Variants in RALGDS observed in about 807,000 individuals in gnomAD.
RALGDS encodes ral guanine nucleotide exchange factor.
Under a neutral mutation model 99.8 loss-of-function variants are expected in RALGDS, and 44 were observed. The ratio of observed to expected loss-of-function variants is 0.44; its 90% CI spans 0.35 to 0.57. The LOEUF (loss-of-function observed/expected upper bound fraction) is 0.57, where lower values mean the gene tolerates loss of function less well. Among genes scored for constraint, RALGDS ranks in the 20% least tolerant of loss-of-function variants. RALGDS has a pLI of 0.01. For missense variants in RALGDS, 1,022 were observed against 1,203.1 expected, an observed-to-expected ratio of 0.85 and a Z score of 2.23; for synonymous variants, 529 against 505.0, an observed-to-expected ratio of 1.05 and a Z score of -0.64.
chr9:133,118,108 C>A (rs1831704279), intron 1 of RALGDS, among the ~76,000 whole-genome samples: 1 of 152,202 alleles, frequency 6.6e-6, no homozygotes. Flanking sequence ...CTGGGGGACC[C>A]TCCCGAGTAG....
chr9:133,129,412 A>C, intron 1 of RALGDS: 1 of 1,428,988 alleles, frequency 7.0e-7, no homozygotes, highest in Non-Finnish European at 9.1e-7. Flanking sequence ...GGAGCACCCG[A>C]GTGCCTGGGC....
rs375862909 is a variant in RALGDS at position 133,120,956 on chromosome 9, G to A, written c.183+16C>T. ...GCTCCGACGCACCCCCCGCCCGACC[G>A]CCCCAGCTCACCCACCTCCGGGCGC... On this transcript the variant is annotated intron_variant, in intron 1 of 17. Transcript: ENST00000372050. The A allele has an allele frequency of 2.8e-5, 41 of 1,476,024 alleles. No individual in the cohort carries two copies. In the East Asian group the frequency reaches 4.7e-4, roughly 17 times the overall value. 91.4% of individuals were successfully genotyped at this position (1,476,024 alleles called of 1,614,324 possible).
At chr9:133,101,026 C>A (rs1331428101) in intron 16 of RALGDS, 4 of 1,064,614 alleles carry the variant, frequency 3.8e-6, no homozygotes, top group Non-Finnish European at 4.6e-6. Context: ...CCCAGGCAAA[C>A]CCATTCTGTG....
intron 8 of RALGDS, 90 bp downstream of exon 8, chr9:133,106,555 T>G: frequency 1.0e-6 from 1 of 1,001,982 alleles, no homozygotes. Context: ...CCCTCAGGGT[T>G]TGTGGCCTCC....
intron 1 of RALGDS, among the ~76,000 whole-genome samples, chr9:133,115,679 C>G (rs1831567073): frequency 6.6e-6 from 1 of 152,196 alleles, no homozygotes; most frequent in Non-Finnish European, 1.5e-5. Flanking sequence ...GTGACCGGCA[C>G]TGGGACCTGA....
chr9:133,108,320 G>A lies in RALGDS; in HGVS notation c.865C>T (p.Pro289Ser), dbSNP rs1175702507. The stretch of plus-strand genomic sequence containing the variant: ...GGAGCTGGCTCTGGCTCCGGGGCTG[G>A]AGCCGGCACTGGGCTGGGTGCTCGA... ...PARAPSPVPA[P>S]APEPEPAPTP... Residue 289 changes from proline to serine, a missense_variant, in exon 6 of 18, where the codon CCA becomes TCA. Pro to Ser is a moderately conservative substitution (Grantham distance 74). Around this residue, in one of 3 missense-constraint regions of RALGDS, gnomAD observed 825 missense variants for 994.5 expected, o/e 0.83. Coordinates refer to ENST00000372050, the MANE Select transcript of RALGDS (RefSeq NM_006266.4). The A allele has an allele frequency of 5.2e-6, 8 of 1,545,590 alleles. No individual in the cohort carries two copies. The highest frequency in any genetic ancestry group is 7.0e-6 in the Non-Finnish European group (8 of 1,147,444).
intron 1 of RALGDS, among the ~76,000 whole-genome samples, chr9:133,139,002 T>C (rs575005788): frequency 6.6e-6 from 1 of 152,156 alleles, no homozygotes; most frequent in East Asian, 1.9e-4. Flanking sequence ...GGCAACGTGC[T>C]GTCCCTCCCC....
intron 6 of RALGDS, among the ~76,000 whole-genome samples, chr9:133,107,772 GCA>G (rs1831145503): frequency 6.6e-6 from 1 of 152,252 alleles, no homozygotes; most frequent in Non-Finnish European, 1.5e-5. Flanking sequence ...TCTAGAATCT[GCA>G]CAGTCACTCT....
At chr9:133,109,543 C>CCCGGCT (rs1402463233) in intron 4 of RALGDS, 83 bp downstream of exon 4, 2 of 1,309,714 alleles carry the variant, frequency 1.5e-6, no homozygotes, top group Admixed American at 1.7e-5. Context: ...CCCAGCCAGC[C>CCCGGCT]CCGGCTCCGG....
intron 6 of RALGDS, among the ~76,000 whole-genome samples, chr9:133,107,501 C>T (rs1370911972): frequency 6.6e-6 from 1 of 152,332 alleles, no homozygotes; most frequent in East Asian, 1.9e-4. Flanking sequence ...TCACCAAGCC[C>T]CAGCTCCAAC....
intron 1 of RALGDS, among the ~76,000 whole-genome samples, chr9:133,145,085 C>T (rs192639185): frequency 6.6e-6 from 1 of 152,218 alleles, no homozygotes; most frequent in Non-Finnish European, 1.5e-5. Flanking sequence ...TCTCCTAGAA[C>T]CTTCAGAGAC....
upstream of RALGDS, among the ~76,000 whole-genome samples, chr9:133,121,840 T>C (rs891561051): frequency 2.6e-5 from 4 of 152,246 alleles, no homozygotes; most frequent in Non-Finnish European, 4.4e-5. Context: ...TTGGAGAGGC[T>C]GACCATGTGT....
chr9:133,099,038 C>T (rs768284947), intron 17 of RALGDS: 3 of 452,776 alleles, frequency 6.6e-6, no homozygotes, highest in South Asian at 2.2e-5. Context: ...CCCCGTCCTG[C>T]CCATACTGCA....
At chr9:133,143,913 A>G (rs1357167475) in intron 1 of RALGDS, among the ~76,000 whole-genome samples, 1 of 151,994 alleles carries the variant, frequency 6.6e-6, no homozygotes, top group Non-Finnish European at 1.5e-5. Context: ...GAGCAGCTCC[A>G]TGGCGGGGAC....
chr9:133,148,079 G>C (rs1768896172), intron 1 of RALGDS, among the ~76,000 whole-genome samples: 1 of 152,136 alleles, frequency 6.6e-6, no homozygotes, highest in African/African-American at 2.4e-5. Flanking sequence ...TTGCTCAGAA[G>C]AACCTCCAAG....
At chr9:133,099,659 CAT>C (rs1180570332) in intron 17 of RALGDS, 6 of 35,570 alleles carry the variant, frequency 1.7e-4, no homozygotes, top group African/African-American at 4.8e-4. Flanking sequence ...TACATATACA[CAT>C]ATATACATAC....
At chr9:133,120,428 A>AC (rs71378548) in intron 1 of RALGDS, among the ~76,000 whole-genome samples, 4,095 of 59,954 alleles carry the variant, frequency 0.068, 144 homozygotes, top group African/African-American at 0.14. Flanking sequence ...CCATCCCCCG[A>AC]CCCCCCCCCC....
Position 133,101,957 on chromosome 9 carries a change from G to C in RALGDS, c.2192C>G (p.Pro731Arg). The change falls in exon 15 of 18, where the codon CCT (proline) becomes CGT (arginine). Residue 731 changes from proline to arginine, a missense_variant. Pro to Arg is a moderately radical substitution (Grantham distance 103, BLOSUM62 -2). This residue lies in a region of RALGDS where 825 missense variants were observed against 994.5 expected (regional missense o/e 0.83). Transcript: ENST00000372050. ...AGTCACCTTCTTTTCCTGGCCATCA[G>C]GAGACTCCGGGACGAAGCTGATGTT... is the stretch of plus-strand genomic sequence containing the variant. ...EINISFVPES[P>R]DGQEKKFWES... The C allele has an allele frequency of 6.4e-7, 1 of 1,551,336 alleles. No individual in the cohort carries two copies. Among genetic ancestry groups the C allele is most frequent in the East Asian group, 2.4e-5 (1 of 40,940 alleles).
chr9:133,129,732 C>T (rs916275868), intron 1 of RALGDS, among the ~76,000 whole-genome samples: 1 of 151,994 alleles, frequency 6.6e-6, no homozygotes. Context: ...ACCCCACTCA[C>T]TTGTTCTGGA....
Sources: allele counts gnomAD v4.1 joint callset (sites outside exome capture counted in the v4.1 genomes callset), GRCh38; gene constraint gnomAD v4.1.1; regional missense constraint gnomAD v4.1.1; transcripts MANE v1.5; gene names NCBI Gene and HGNC (gene_info 2026-07-23, HGNC 2026-07-21).